ZFPM2: variants seen among roughly 807,000 people sequenced by gnomAD.
The protein encoded by ZFPM2 is zinc finger protein, FOG family member 2.
A neutral mutation model predicts 98.6 loss-of-function variants in ZFPM2; 20 were observed. The ratio of observed to expected loss-of-function variants is 0.20; its 90% CI spans 0.14 to 0.29. The LOEUF is 0.29. Among genes scored for constraint, ZFPM2 ranks in the 10% least tolerant of loss-of-function variants. The pLI, the probability that ZFPM2 is intolerant of heterozygous loss-of-function variation, is 1.00. For synonymous variants in ZFPM2, 518 were observed against 502.7 expected, an observed-to-expected ratio of 1.03 and a Z score of -0.41; for missense variants, 1,310 against 1,388.6, an observed-to-expected ratio of 0.94 and a Z score of 0.90.
chr8:105,719,413 CATT>C (rs1309227543), intron 5 of ZFPM2, among the ~76,000 whole-genome samples: 2 of 151,824 alleles, frequency 1.3e-5, no homozygotes, highest in African/African-American at 4.8e-5. Flanking sequence ...ACAAAAGCGT[CATT>C]ATAAATAAAT....
intron 5 of ZFPM2, among the ~76,000 whole-genome samples, chr8:105,638,224 T>C (rs1327752503): frequency 6.6e-6 from 1 of 152,054 alleles, no homozygotes; most frequent in Non-Finnish European, 1.5e-5. Context: ...CACATACCAT[T>C]CCCTGAACCA....
intron 1 of ZFPM2, among the ~76,000 whole-genome samples, chr8:105,410,409 A>G (rs1050838710): frequency 6.6e-6 from 1 of 151,896 alleles, no homozygotes; most frequent in Admixed American, 6.6e-5. Context: ...TTGTTTGGCT[A>G]CTGCTTCTGT....
intron 5 of ZFPM2, among the ~76,000 whole-genome samples, chr8:105,701,880 G>T (rs1306308513): frequency 6.6e-6 from 1 of 152,174 alleles, no homozygotes; most frequent in Non-Finnish European, 1.5e-5. Context: ...ATAGCAGCAG[G>T]TTTGATGTGC....
chr8:105,571,803 TGATAACATA>T (rs1815360375), intron 4 of ZFPM2, among the ~76,000 whole-genome samples: 1 of 152,176 alleles, frequency 6.6e-6, no homozygotes, highest in South Asian at 2.1e-4. Context: ...TGTCAAACTC[TGATAACATA>T]TTGGACTCTG....
chr8:105,712,824 T>G (rs186410451), intron 5 of ZFPM2, among the ~76,000 whole-genome samples: 7 of 152,230 alleles, frequency 4.6e-5, no homozygotes, highest in African/African-American at 1.7e-4. Flanking sequence ...TTTCTATTTT[T>G]GTGTTAATTC....
chr8:105,596,243 A>G lies in ZFPM2; in HGVS notation c.420+34762A>G, dbSNP rs139451902. ...GTCAGGTTAAAAGGAATAAAAATCA[A>G]TGAAGAGGAAGTCAGCAAGAAAAGG... On this transcript the variant is annotated intron_variant, in intron 4 of 7. Coordinates refer to ENST00000407775, the MANE Select transcript of ZFPM2 (RefSeq NM_012082.4). Among the ~76,000 whole-genome samples, 9 of 152,216 alleles carry G rather than the reference A, an allele frequency of 5.9e-5. No homozygotes were observed. In the East Asian group the frequency reaches 9.7e-4, roughly 16 times the overall value.
chr8:105,729,149 T>C (rs980348672), intron 5 of ZFPM2, among the ~76,000 whole-genome samples: 6 of 151,790 alleles, frequency 4.0e-5, no homozygotes, highest in African/African-American at 9.7e-5. Flanking sequence ...TATTTTTCGA[T>C]ATAGAAATGT....
chr8:105,744,073 G>T (rs1363578208), intron 5 of ZFPM2, among the ~76,000 whole-genome samples: 6 of 151,962 alleles, frequency 3.9e-5, no homozygotes, highest in Admixed American at 2.6e-4. Flanking sequence ...TCATAAATAT[G>T]CATGTTGTAG....
intron 2 of ZFPM2, among the ~76,000 whole-genome samples, chr8:105,442,122 A>G (rs2130199800): frequency 6.6e-6 from 1 of 151,834 alleles, no homozygotes; most frequent in African/African-American, 2.4e-5. Context: ...TCACGAGGTC[A>G]GGAGATCGAG....
Position 105,664,004 on chromosome 8 carries a change from G to A in ZFPM2, c.532+29647G>A, listed in dbSNP as rs530550826. Among the ~76,000 whole-genome samples the A allele has an allele frequency of 2.0e-5, 3 of 152,310 alleles. No homozygotes were observed. In the East Asian group the frequency reaches 5.8e-4, roughly 29 times the overall value. ...AAATCAGCTCGTTATGGTTAAAGGA[G>A]ATGAAGAAGATTTAGCCTCACACAA... On this transcript the variant is annotated intron_variant, in intron 5 of 7. Transcript: ENST00000407775.
At chr8:105,556,957 C>CA (rs1476452074) in intron 3 of ZFPM2, among the ~76,000 whole-genome samples, 6 of 152,238 alleles carry the variant, frequency 3.9e-5, no homozygotes, top group African/African-American at 1.4e-4. Context: ...TCCTGACCCT[C>CA]AGGTGATCCA....
intron 1 of ZFPM2, among the ~76,000 whole-genome samples, chr8:105,362,580 C>T (rs1239476785): frequency 6.6e-6 from 1 of 152,056 alleles, no homozygotes; most frequent in Non-Finnish European, 1.5e-5. Flanking sequence ...ATTGACATTA[C>T]TCAAGTGCCG....
intron 4 of ZFPM2, among the ~76,000 whole-genome samples, chr8:105,622,525 G>T (rs1404415517): frequency 3.3e-5 from 5 of 152,174 alleles, no homozygotes; most frequent in Non-Finnish European, 5.9e-5. Flanking sequence ...CAAGATTTAA[G>T]ACATTTTCCA....
rs190648887 is a variant in ZFPM2 at position 105,496,705 on chromosome 8, G to A, written c.301+52324G>A. On this transcript the variant is annotated intron_variant, in intron 3 of 7. Coordinates refer to ENST00000407775, the MANE Select transcript of ZFPM2 (RefSeq NM_012082.4). The stretch of plus-strand genomic sequence containing the variant: ...TTTTTTTTTGAGACGGAGTCAGGCC[G>A]GGCATGGTGGCTCATGCCTGTAATC... 1.3e-3 allele frequency among the ~76,000 whole-genome samples: 188 copies of A among 146,982 alleles called. 3 individuals are homozygous for A. The highest frequency in any genetic ancestry group is 4.5e-3 in the African/African-American group (181 of 40,252).
chr8:105,510,393 T>G (rs1186933207), intron 3 of ZFPM2, among the ~76,000 whole-genome samples: 4 of 119,554 alleles, frequency 3.3e-5, no homozygotes, highest in Non-Finnish European at 6.4e-5. Context: ...CAGGGGTCTG[T>G]GCATGTTTTT....
chr8:105,468,718 C>T (rs1209916033), intron 3 of ZFPM2, among the ~76,000 whole-genome samples: 3 of 152,078 alleles, frequency 2.0e-5, no homozygotes, highest in Non-Finnish European at 4.4e-5. Flanking sequence ...TATGCATATG[C>T]GGCACTGTGC....
At chr8:105,767,716 T>A (rs1034727321) in intron 5 of ZFPM2, among the ~76,000 whole-genome samples, 24 of 151,866 alleles carry the variant, frequency 1.6e-4, no homozygotes, top group African/African-American at 5.3e-4. Flanking sequence ...ATAAAAAAAA[T>A]TTTTGGCTGC....
At chr8:105,441,726 G>A (rs1311975099) in intron 2 of ZFPM2, among the ~76,000 whole-genome samples, 1 of 152,112 alleles carries the variant, frequency 6.6e-6, no homozygotes, top group Non-Finnish European at 1.5e-5. Context: ...GTATGTAGGG[G>A]TGATATTCAA....
chr8:105,725,961 G>C (rs889716084), intron 5 of ZFPM2, among the ~76,000 whole-genome samples: 3 of 151,708 alleles, frequency 2.0e-5, no homozygotes, highest in Admixed American at 1.3e-4. Flanking sequence ...GTCATGTCAA[G>C]AGGTGGATGT....
Sources: allele counts gnomAD v4.1 joint callset (sites outside exome capture counted in the v4.1 genomes callset), GRCh38; gene constraint gnomAD v4.1.1; transcripts MANE v1.5; gene names NCBI Gene and HGNC (gene_info 2026-07-23, HGNC 2026-07-21).